Variants in SRC observed in about 807,000 individuals in gnomAD.
SRC encodes SRC proto-oncogene, non-receptor tyrosine kinase.
A neutral mutation model predicts 62.9 loss-of-function variants in SRC; 13 were observed. That is an observed-to-expected ratio of 0.21 (90% confidence interval 0.13 to 0.33). SRC has a LOEUF of 0.33. SRC is among the 10% of genes least tolerant of loss of function. The pLI, the probability that SRC is intolerant of heterozygous loss-of-function variation, is 1.00. For missense variants in SRC, 457 were observed against 737.3 expected (o/e 0.62, Z 4.40); for synonymous variants, 302 against 317.5 (o/e 0.95, Z 0.52).
intron 1 of SRC, among the ~76,000 whole-genome samples, chr20:37,349,510 T>C (rs2069770121): frequency 6.6e-6 from 1 of 152,218 alleles, no homozygotes; most frequent in African/African-American, 2.4e-5. Context: ...TTCTTTGTCA[T>C]GAAAATGGGG....
At position 37,351,733 on chromosome 20, in the gene SRC, C is replaced by T. The variant is rs186673660; in HGVS notation, c.-247+5478C>T. Among the ~76,000 whole-genome samples the T allele has an allele frequency of 1.7e-4, 26 of 152,338 alleles. No individual in the cohort carries two copies. The East Asian group carries it at 3.3e-3, about 19-fold the overall frequency. On this transcript the variant is annotated intron_variant, in intron 1 of 13. Transcript: ENST00000373578. The surrounding 1 kb of genome is among the most constrained non-coding windows in gnomAD (Gnocchi z 4.4). ...TGACCCATTGTGTCCCTTGCTCCAT[C>T]CTGGGAGCAGTCAAACTCTTATTCC...
chr20:37,386,514 G>A (rs865786307), intron 5 of SRC: 1 of 710,462 alleles, frequency 1.4e-6, no homozygotes. Context: ...GCTGGGCGGG[G>A]TGCTTCGCGG....
chr20:37,387,207 G>T (rs1348509023), intron 5 of SRC, among the ~76,000 whole-genome samples: 1 of 152,210 alleles, frequency 6.6e-6, no homozygotes, highest in Non-Finnish European at 1.5e-5. Flanking sequence ...CTTGCCTTGC[G>T]CATGCTCTTC....
At chr20:37,382,862 C>T (rs1456334916) in intron 3 of SRC, 76 bp downstream of exon 3, 1 of 152,270 alleles carries the variant, frequency 6.6e-6, no homozygotes, top group African/African-American at 2.4e-5. Context: ...TGGGACCAGC[C>T]AGGGCCTGCG....
chr20:37,387,539 A>G (rs1186847902), intron 5 of SRC, among the ~76,000 whole-genome samples: 1 of 112,716 alleles, frequency 8.9e-6, no homozygotes, highest in Non-Finnish European at 1.7e-5. Context: ...GCCCTCCTCA[A>G]CCTGCTCTTG....
chr20:37,401,548 G>T (rs1166919807), intron 10 of SRC, 54 bp from the exon 11 acceptor site: 14 of 1,435,924 alleles, frequency 9.7e-6, no homozygotes, highest in Non-Finnish European at 1.4e-5. Flanking sequence ...GGGAATCACT[G>T]CATCCTGGCA....
chr20:37,350,775 T>C (rs886512110), intron 1 of SRC, among the ~76,000 whole-genome samples: 2 of 152,234 alleles, frequency 1.3e-5, no homozygotes, highest in African/African-American at 2.4e-5. Context: ...TTCATCCCCC[T>C]GGCCTAGAGT....
intron 1 of SRC, among the ~76,000 whole-genome samples, chr20:37,352,032 T>C (rs949244021): frequency 6.6e-5 from 10 of 152,318 alleles, no homozygotes; most frequent in Admixed American, 4.6e-4. Context: ...TGCTCACGGA[T>C]GCTTATGCCA....
At chr20:37,392,329 TC>T (rs2070564475) in intron 5 of SRC, among the ~76,000 whole-genome samples, 1 of 152,120 alleles carries the variant, frequency 6.6e-6, no homozygotes, top group Non-Finnish European at 1.5e-5. Context: ...CCTGGAGAGC[TC>T]CCCAAGCCCT....
rs898248267 is a variant in SRC, at chr20:37,382,217, G to A, written c.-172-402G>A. Among the ~76,000 whole-genome samples the A allele has an allele frequency of 2.2e-5, 3 of 138,324 alleles. No homozygotes were observed. The South Asian group carries it at 6.3e-4, about 29-fold the overall frequency. 90.7% of individuals were successfully genotyped at this position (138,324 alleles called of 152,430 possible). A position where few individuals can be genotyped will look rare whatever the true frequency, so the allele number is the denominator to read the frequency against. ...TCCAGAATTACACAATATCAATAACGGCTGAGGTGACCTGTGATGCCCCTA... is the reference window on the plus strand; with the variant it reads ...TCCAGAATTACACAATATCAATAACAGCTGAGGTGACCTGTGATGCCCCTA... On this transcript the variant is annotated intron_variant, in intron 2 of 13. Transcript: ENST00000373578.
At chr20:37,379,190 A>G (rs1432463727) in intron 2 of SRC, among the ~76,000 whole-genome samples, 2 of 152,052 alleles carry the variant, frequency 1.3e-5, no homozygotes, top group East Asian at 3.9e-4. Context: ...GCCCACGGTG[A>G]GGAGTGGCTT....
chr20:37,403,479 C>G lies in SRC; in HGVS notation c.*100C>G. ...TCTGCCTGCCTGCTGTTGGTCCTCT[C>G]TCTGTGGGGCTGAATTGCCAGGGGC... On this transcript the variant is annotated 3_prime_UTR_variant, in exon 14 of 14. Transcript: ENST00000373578. This position sits in a 1 kb window ranked among gnomAD's most constrained non-coding sequence, Gnocchi z 7.1. The G allele has an allele frequency of 7.7e-7, 1 of 1,303,002 alleles. No homozygotes were observed. The highest frequency in any genetic ancestry group is 1.0e-6 in the Non-Finnish European group (1 of 961,868). The allele number at this position is 1,303,002 out of a possible 1,614,324, so 80.7% of individuals were successfully genotyped here.
intron 1 of SRC, among the ~76,000 whole-genome samples, chr20:37,364,634 C>T (rs1414113651): frequency 6.6e-6 from 1 of 152,164 alleles, no homozygotes; most frequent in Non-Finnish European, 1.5e-5. Flanking sequence ...CCTTTCTGAG[C>T]CTCCATTTCC....
rs1454136010 is a variant in SRC at position 37,394,084 on chromosome 20, G to A, written c.450-90G>A. 1.9e-6 allele frequency: 3 copies of A among 1,559,026 alleles called. No homozygotes were observed. The East Asian group carries it at 6.7e-5, about 35-fold the overall frequency. On this transcript the variant is annotated intron_variant, in intron 6 of 13. Coordinates refer to ENST00000373578, the MANE Select transcript of SRC (RefSeq NM_198291.3). Reference sequence around the variant, plus strand: ...CTGGGCTGGGGTGGGAGGTCTGGCTGTCCAGCGCCCCAGCCATATCCAGGG... The same window carrying A: ...CTGGGCTGGGGTGGGAGGTCTGGCTATCCAGCGCCCCAGCCATATCCAGGG...
At chr20:37,373,203 T>C (rs768991430) in intron 2 of SRC, among the ~76,000 whole-genome samples, 38 of 148,434 alleles carry the variant, frequency 2.6e-4, no homozygotes, top group East Asian at 2.5e-3. Flanking sequence ...TATATGTACA[T>C]ATCTACACAC....
intron 2 of SRC, among the ~76,000 whole-genome samples, chr20:37,366,012 G>T (rs1389119938): frequency 6.6e-6 from 1 of 151,966 alleles, no homozygotes; most frequent in African/African-American, 2.4e-5. Context: ...CTTGTTCATG[G>T]TTGCGTAGTA....
At chr20:37,372,309 A>G (rs1254742588) in intron 2 of SRC, among the ~76,000 whole-genome samples, 1 of 152,188 alleles carries the variant, frequency 6.6e-6, no homozygotes, top group African/African-American at 2.4e-5. Flanking sequence ...TTTAAAATAT[A>G]GGATTTTACA....
At position 37,398,371 on chromosome 20, in the gene SRC, C is replaced by G. The variant is rs1482480202; in HGVS notation, c.859+517C>G. On this transcript the variant is annotated intron_variant, in intron 9 of 13. Transcript: ENST00000373578. The surrounding 1 kb of genome is among the most constrained non-coding windows in gnomAD (Gnocchi z 5.2). Reference sequence around the variant, plus strand: ...GAGCACCGTGCAGCCCTGACAAAACCCAGGCCCCTCTTCCACCGGATGCTT... The same window carrying G: ...GAGCACCGTGCAGCCCTGACAAAACGCAGGCCCCTCTTCCACCGGATGCTT... 6.6e-6 allele frequency among the ~76,000 whole-genome samples: 1 copy of G among 152,224 alleles called. No homozygotes were observed. The highest frequency in any genetic ancestry group is 2.4e-5 in the African/African-American group (1 of 41,454).
At chr20:37,364,474 C>A (rs1164757079) in intron 1 of SRC, among the ~76,000 whole-genome samples, 1 of 152,148 alleles carries the variant, frequency 6.6e-6, no homozygotes, top group East Asian at 1.9e-4. Flanking sequence ...GTTTATTTGG[C>A]CTCTGTGTCC....
Sources: gnomAD v4.1 joint callset for allele counts (sites outside exome capture counted in the v4.1 genomes callset) on GRCh38, gnomAD v4.1.1 for gene constraint, Gnocchi (gnomAD v3.1) non-coding constraint, MANE v1.5 for transcripts, NCBI Gene and HGNC (gene_info 2026-07-23, HGNC 2026-07-21) for gene names.